The following PTPRD variants were observed in gnomAD, a reference collection of about 807,000 sequenced individuals.
The protein encoded by PTPRD is protein tyrosine phosphatase receptor type D.
A neutral mutation model predicts 214.5 loss-of-function variants in PTPRD; 34 were observed. That is an observed-to-expected ratio of 0.16 (90% CI 0.12 to 0.21). The LOEUF is 0.21. Ranked by LOEUF, PTPRD falls within the 10% of genes least tolerant of loss-of-function variation. PTPRD has a pLI of 1.00. For synonymous variants in PTPRD, 1,128 were observed against 845.7 expected, an observed-to-expected ratio of 1.33 and a Z score of -5.79; for missense variants, 2,545 against 2,398.7, an observed-to-expected ratio of 1.06 and a Z score of -1.27.
chr9:10,229,955 T>C, intron 3 of PTPRD, among the ~76,000 whole-genome samples: 1 of 152,184 alleles, frequency 6.6e-6, no homozygotes, highest in African/African-American at 2.4e-5. Flanking sequence ...ATTACATGTA[T>C]AATTAATACA....
chr9:10,379,811 T>C (rs2154482021), intron 2 of PTPRD, among the ~76,000 whole-genome samples: 1 of 152,206 alleles, frequency 6.6e-6, no homozygotes, highest in African/African-American at 2.4e-5. Context: ...TTCTCACAAA[T>C]GTGTGTAGAG....
chr9:9,673,374 A>G (rs925603646), intron 7 of PTPRD, among the ~76,000 whole-genome samples: 4 of 151,942 alleles, frequency 2.6e-5, no homozygotes, highest in African/African-American at 9.7e-5. Flanking sequence ...TTAATGAATA[A>G]TTATGCTCAA....
intron 3 of PTPRD, among the ~76,000 whole-genome samples, chr9:10,302,432 T>G (rs1008941627): frequency 1.3e-5 from 2 of 152,142 alleles, no homozygotes; most frequent in African/African-American, 4.8e-5. Context: ...ACCGTAAATG[T>G]AAATGGGCTA....
intron 5 of PTPRD, among the ~76,000 whole-genome samples, chr9:9,810,132 T>TAAAAAAAA (rs2046677433): frequency 2.6e-5 from 1 of 39,008 alleles, no homozygotes; most frequent in Non-Finnish European, 3.8e-5. Flanking sequence ...TACTTCCAGG[T>TAAAAAAAA]TAAAAAAAAA....
chr9:10,078,297 G>C (rs1413382945), intron 3 of PTPRD, among the ~76,000 whole-genome samples: 2 of 150,210 alleles, frequency 1.3e-5, no homozygotes, highest in Non-Finnish European at 3.0e-5. Flanking sequence ...CAGATTGCGA[G>C]GTCAGAAGTT....
intron 3 of PTPRD, among the ~76,000 whole-genome samples, chr9:10,071,086 T>C (rs949559343): frequency 2.1e-4 from 32 of 152,144 alleles, no homozygotes; most frequent in African/African-American, 7.5e-4. Context: ...TGTGAAAAAC[T>C]ACAAAACTCT....
chr9:8,326,223 T>C (rs2089174922), intron 44 of PTPRD, among the ~76,000 whole-genome samples: 2 of 152,218 alleles, frequency 1.3e-5, no homozygotes, highest in Admixed American at 1.3e-4. Flanking sequence ...AAATAGCTCT[T>C]CTTCTTTTGA....
chr9:9,001,823 G>A (rs1465570947), intron 11 of PTPRD, among the ~76,000 whole-genome samples: 1 of 151,902 alleles, frequency 6.6e-6, no homozygotes, highest in African/African-American at 2.4e-5. Flanking sequence ...TCCAGCTCAT[G>A]CCATCCTAAA....
chr9:9,538,801 G>A (rs1255141331), intron 8 of PTPRD, among the ~76,000 whole-genome samples: 1 of 151,874 alleles, frequency 6.6e-6, no homozygotes, highest in Non-Finnish European at 1.5e-5. Flanking sequence ...TTCAAAAAAG[G>A]AGTCAAGTAG....
intron 4 of PTPRD, among the ~76,000 whole-genome samples, chr9:9,976,447 C>T (rs955771425): frequency 1.3e-5 from 2 of 151,898 alleles, no homozygotes; most frequent in Admixed American, 6.6e-5. Flanking sequence ...ATTGCAGTGG[C>T]ATGATCTCGG....
At chr9:9,676,461 A>C (rs915931674) in intron 7 of PTPRD, among the ~76,000 whole-genome samples, 15 of 151,842 alleles carry the variant, frequency 9.9e-5, no homozygotes, top group South Asian at 2.1e-4. Flanking sequence ...TGAACTCATC[A>C]TTTTTTATGG....
chr9:8,532,176 T>A (rs553340828), intron 14 of PTPRD, among the ~76,000 whole-genome samples: 87 of 152,216 alleles, frequency 5.7e-4, no homozygotes, highest in African/African-American at 2.0e-3. Flanking sequence ...ATGTAACAGA[T>A]TCAAATAGCC....
chr9:9,270,886 T>C (rs1034903406), intron 9 of PTPRD, among the ~76,000 whole-genome samples: 2 of 150,660 alleles, frequency 1.3e-5, no homozygotes, highest in Non-Finnish European at 3.0e-5. Flanking sequence ...TATCGGGGGG[T>C]GTAGGGATAG....
intron 10 of PTPRD, among the ~76,000 whole-genome samples, chr9:9,136,266 A>ACGT (rs1227608205): frequency 6.6e-6 from 1 of 150,908 alleles, no homozygotes; most frequent in African/African-American, 2.5e-5. Context: ...TCTCTAATTA[A>ACGT]CATCTTTTGG....
chr9:8,358,329 T>C (rs905579025), intron 39 of PTPRD, among the ~76,000 whole-genome samples: 2 of 152,170 alleles, frequency 1.3e-5, no homozygotes, highest in African/African-American at 4.8e-5. Context: ...AGTTTAAACA[T>C]AATTTAAAGT....
chr9:9,426,954 G>GA (rs1372299232), intron 8 of PTPRD, among the ~76,000 whole-genome samples: 2 of 152,018 alleles, frequency 1.3e-5, no homozygotes, highest in East Asian at 1.9e-4. Context: ...CAAAGATGGG[G>GA]AAAAAACAGA....
intron 9 of PTPRD, among the ~76,000 whole-genome samples, chr9:9,286,230 T>A (rs901828934): frequency 7.9e-5 from 12 of 151,862 alleles, no homozygotes; most frequent in Admixed American, 6.6e-5. Flanking sequence ...CCATTGCTAC[T>A]GACTTACATC....
At chr9:10,350,759 T>C (rs909034815) in intron 2 of PTPRD, among the ~76,000 whole-genome samples, 2 of 152,180 alleles carry the variant, frequency 1.3e-5, no homozygotes, top group Admixed American at 1.3e-4. Flanking sequence ...CATCCATGCA[T>C]TGATTTCTAC....
At chr9:8,581,850 G>A (rs2093157554) in intron 14 of PTPRD, among the ~76,000 whole-genome samples, 1 of 147,306 alleles carries the variant, frequency 6.8e-6, no homozygotes, top group East Asian at 2.0e-4. Context: ...CAGCATTTGG[G>A]GAGGTGGAGG....
Sources: gnomAD v4.1 joint callset for allele counts (sites outside exome capture counted in the v4.1 genomes callset) on GRCh38, gnomAD v4.1.1 for gene constraint, MANE v1.5 for transcripts, NCBI Gene and HGNC (gene_info 2026-07-23, HGNC 2026-07-21) for gene names.